SH3D19: variants seen among roughly 807,000 people sequenced by gnomAD.
The protein encoded by SH3D19 is SH3 domain containing 19, also known as SH3 domain-containing protein 19.
A neutral mutation model predicts 112.1 loss-of-function variants in SH3D19; 58 were observed. The observed-to-expected ratio is 0.52, with a 90% CI of 0.42 to 0.64. The LOEUF (loss-of-function observed/expected upper bound fraction) is 0.64, where lower values mean the gene tolerates loss of function less well. Ranked by LOEUF, SH3D19 falls within the 30% of genes least tolerant of loss-of-function variation. The pLI is 0.00. For synonymous variants in SH3D19, 391 were observed against 448.5 expected (o/e 0.87, Z 1.62); for missense variants, 1,090 against 1,263.4 (o/e 0.86, Z 2.08).
At chr4:151,188,692 G>T (rs1762156362) in intron 2 of SH3D19, among the ~76,000 whole-genome samples, 1 of 152,318 alleles carries the variant, frequency 6.6e-6, no homozygotes, top group East Asian at 1.9e-4. Context: ...ATGATATTAT[G>T]AATTTAAAAC....
intron 3 of SH3D19, among the ~76,000 whole-genome samples, chr4:151,186,927 T>G (rs1245791951): frequency 6.6e-6 from 1 of 151,742 alleles, no homozygotes; most frequent in Non-Finnish European, 1.5e-5. Context: ...CCCAAGTAGC[T>G]GGGACTACAG....
intron 1 of SH3D19, among the ~76,000 whole-genome samples, chr4:151,253,541 C>A (rs1353981008): frequency 3.3e-5 from 5 of 152,176 alleles, no homozygotes; most frequent in African/African-American, 4.8e-5. Flanking sequence ...GAGATTGAGA[C>A]CACCCTGGCT....
intron 1 of SH3D19, among the ~76,000 whole-genome samples, chr4:151,243,896 G>C (rs956421101): frequency 6.6e-6 from 1 of 152,188 alleles, no homozygotes; most frequent in African/African-American, 2.4e-5. Flanking sequence ...TCAAACTCTT[G>C]CTAGACCAAG....
At chr4:151,131,780 G>C (rs13130167) in intron 17 of SH3D19, among the ~76,000 whole-genome samples, 4 of 151,800 alleles carry the variant, frequency 2.6e-5, no homozygotes, top group Non-Finnish European at 5.9e-5. Context: ...GAGCCACCGC[G>C]CACAGCCTCT....
chr4:151,135,986 A>AAAAACAAAACAAAACAAAAC (rs529509279), intron 14 of SH3D19, among the ~76,000 whole-genome samples: 95 of 148,860 alleles, frequency 6.4e-4, no homozygotes, highest in Admixed American at 2.0e-3. Context: ...AGACTGTCTC[A>AAAAACAAAACAAAACAAAAC]AAAACAAAAC....
At chr4:151,308,654 A>T (rs1729148727) in intron 1 of SH3D19, among the ~76,000 whole-genome samples, 1 of 152,150 alleles carries the variant, frequency 6.6e-6, no homozygotes, top group Admixed American at 6.5e-5. Context: ...TTTCTTGGGG[A>T]GGCTGACTGT....
intron 8 of SH3D19, among the ~76,000 whole-genome samples, chr4:151,163,029 T>C (rs925384851): frequency 1.3e-5 from 2 of 152,122 alleles, no homozygotes; most frequent in Non-Finnish European, 2.9e-5. Flanking sequence ...TTTCTAGGAG[T>C]GCCTACCTGA....
Position 151,283,172 on chromosome 4 carries a change from G to C in SH3D19, c.112+42069C>G, listed in dbSNP as rs757312488. On this transcript the variant is annotated intron_variant, in intron 1 of 19. Coordinates refer to ENST00000604030, the MANE Select transcript of SH3D19 (RefSeq NM_001378122.1). Reference sequence around the variant, plus strand: ...CAGAAGTACCCATTATTGACCGCCAGGCTTGTGAACAGCTCTACAATCCCA... The same window carrying C: ...CAGAAGTACCCATTATTGACCGCCACGCTTGTGAACAGCTCTACAATCCCA... 30 of 1,613,750 alleles carry C rather than the reference G, an allele frequency of 1.9e-5. No homozygotes were observed. In the South Asian group the frequency reaches 3.1e-4, roughly 17 times the overall value.
chr4:151,253,383 A>G (rs1771556797), intron 1 of SH3D19, among the ~76,000 whole-genome samples: 1 of 152,130 alleles, frequency 6.6e-6, no homozygotes, highest in South Asian at 2.1e-4. Context: ...GCCTTGTCTG[A>G]CCACCCTATT....
At chr4:151,214,394 A>G (rs1338729362) in intron 2 of SH3D19, among the ~76,000 whole-genome samples, 1 of 102,096 alleles carries the variant, frequency 9.8e-6, no homozygotes, top group Non-Finnish European at 2.4e-5. Flanking sequence ...CACACCTCCC[A>G]GACGGGGTGG....
chr4:151,231,179 A>G (rs1379873802), intron 1 of SH3D19, among the ~76,000 whole-genome samples: 1 of 152,218 alleles, frequency 6.6e-6, no homozygotes, highest in Non-Finnish European at 1.5e-5. Flanking sequence ...ATAAGACATA[A>G]GATATCCAGT....
intron 1 of SH3D19, among the ~76,000 whole-genome samples, chr4:151,270,625 G>GGTCT (rs541832424): frequency 0.033 from 5,013 of 151,770 alleles, 113 homozygotes; most frequent in Middle Eastern, 0.055. Context: ...GCAGTCAGTA[G>GGTCT]GTTTATAACA....
intron 1 of SH3D19, among the ~76,000 whole-genome samples, chr4:151,230,741 C>T (rs1224842589): frequency 6.6e-6 from 1 of 151,836 alleles, no homozygotes; most frequent in African/African-American, 2.4e-5. Flanking sequence ...CCACCATGCC[C>T]GGCTAATTTT....
chr4:151,181,958 TAACCAGTTG>T (rs1419395307), intron 3 of SH3D19, among the ~76,000 whole-genome samples: 1 of 151,008 alleles, frequency 6.6e-6, no homozygotes, highest in African/African-American at 2.4e-5. Context: ...TCCACACACA[TAACCAGTTG>T]AAAAACCCGC....
chr4:151,154,325 G>C (rs1192319975), intron 9 of SH3D19, among the ~76,000 whole-genome samples: 1 of 150,648 alleles, frequency 6.6e-6, no homozygotes, highest in Non-Finnish European at 1.5e-5. Flanking sequence ...GTAGAGATGG[G>C]GTTTCTCCAT....
At chr4:151,210,244 C>T (rs1051998177) in intron 2 of SH3D19, among the ~76,000 whole-genome samples, 2 of 152,050 alleles carry the variant, frequency 1.3e-5, no homozygotes, top group Non-Finnish European at 2.9e-5. Flanking sequence ...AATCTGATTA[C>T]AGGATTATTT....
In SH3D19 at chr4:151,121,122, G is replaced by T. The variant is rs1047566861; in HGVS notation, c.*969C>A. ...TTTTTCATTCTGATTATATTACAAA[G>T]AAATGAGCTGTGGAGGTTTGGCACT... On this transcript the variant is annotated 3_prime_UTR_variant, in exon 20 of 20. Coordinates refer to ENST00000604030, the MANE Select transcript of SH3D19 (RefSeq NM_001378122.1). The T allele has an allele frequency of 6.6e-6, 1 of 152,520 alleles. No homozygotes were observed. Among genetic ancestry groups the T allele is most frequent in the African/African-American group, 2.4e-5 (1 of 41,442 alleles). 9.4% of individuals were successfully genotyped at this position (152,520 alleles called of 1,614,324 possible).
At chr4:151,171,926 TA>T (rs765186006) in intron 7 of SH3D19, among the ~76,000 whole-genome samples, 5 of 152,234 alleles carry the variant, frequency 3.3e-5, no homozygotes, top group Non-Finnish European at 7.3e-5. Flanking sequence ...AATCCAATAT[TA>T]AATTGCCTGT....
At chr4:151,191,267 C>G (rs1228114311) in intron 2 of SH3D19, among the ~76,000 whole-genome samples, 1 of 152,136 alleles carries the variant, frequency 6.6e-6, no homozygotes, top group Admixed American at 6.5e-5. Context: ...TCAGATGAGA[C>G]ATTGGACTGT....
Sources: gnomAD v4.1 joint callset for allele counts (sites outside exome capture counted in the v4.1 genomes callset) on GRCh38, gnomAD v4.1.1 for gene constraint, MANE v1.5 for transcripts, NCBI Gene and HGNC (gene_info 2026-07-23, HGNC 2026-07-21) for gene names.